The following PTPN5 variants were observed in gnomAD, a reference collection of about 807,000 sequenced individuals.
PTPN5 encodes the protein tyrosine-protein phosphatase non-receptor type 5.
PTPN5 carries 29 observed loss-of-function variants against 73.9 expected under a neutral mutation model. The observed-to-expected ratio is 0.39, with a 90% CI of 0.29 to 0.54. The LOEUF (loss-of-function observed/expected upper bound fraction) is 0.54. PTPN5 is among the 20% of genes least tolerant of loss of function. The pLI is 0.65. For synonymous variants in PTPN5, 267 were observed against 304.7 expected, an observed-to-expected ratio of 0.88 and a Z score of 1.29; for missense variants, 652 against 751.4, an observed-to-expected ratio of 0.87 and a Z score of 1.55.
At chr11:18,747,307 C>T (rs574624954) in intron 3 of PTPN5, among the ~76,000 whole-genome samples, 12 of 152,040 alleles carry the variant, frequency 7.9e-5, no homozygotes, top group Non-Finnish European at 1.3e-4. Flanking sequence ...CAAGCCACTG[C>T]GCCTGGCTAA....
At chr11:18,771,211 G>A (rs772607330) in intron 2 of PTPN5, among the ~76,000 whole-genome samples, 110 of 152,064 alleles carry the variant, frequency 7.2e-4, no homozygotes, top group Admixed American at 3.3e-4. Flanking sequence ...CACTGTCAAC[G>A]TGGAGCTCCT....
At chr11:18,740,467 G>C (rs149206809) in intron 8 of PTPN5, 136 bp downstream of exon 8, 11 of 735,568 alleles carry the variant, frequency 1.5e-5, no homozygotes, top group South Asian at 1.5e-4. Flanking sequence ...TGCCCAAGAT[G>C]GTGGGAGAGC....
chr11:18,742,192 AT>A lies in PTPN5; in HGVS notation c.725+69del. 1 of 1,589,946 alleles carries A rather than the reference AT, an allele frequency of 6.3e-7. No individual in the cohort carries two copies. Among genetic ancestry groups the A allele is most frequent in the East Asian group, 2.2e-5 (1 of 44,616 alleles). On this transcript the variant is annotated intron_variant, in intron 7 of 14. Transcript: ENST00000358540. The surrounding 1 kb of genome is among the most constrained non-coding windows in gnomAD (Gnocchi z 4.1). The stretch of plus-strand genomic sequence containing the variant: ...TGGGCACCAGGAGTCAGAGTCAGGC[AT>A]CCACTCTTCTGATCAGGAGCTAAGA...
chr11:18,783,080 T>C (rs1851515370), intron 1 of PTPN5, among the ~76,000 whole-genome samples: 1 of 152,252 alleles, frequency 6.6e-6, no homozygotes, highest in Non-Finnish European at 1.5e-5. Context: ...GCCTCGTATT[T>C]GCCTAACTCT....
rs550259431 is a variant in PTPN5, at chr11:18,789,823, G to T, written c.-114+1702C>A. 3.3e-5 allele frequency among the ~76,000 whole-genome samples: 5 copies of T among 152,244 alleles called. No individual in the cohort carries two copies. The South Asian group carries it at 1.0e-3, about 32-fold the overall frequency. On this transcript the variant is annotated intron_variant, in intron 1 of 14. Coordinates refer to ENST00000358540, the MANE Select transcript of PTPN5 (RefSeq NM_006906.2). ...GGTGGGAGGTGGATGAGGGATGAAA[G>T]ACTACACATTGGGTTCAGTGTATAC...
At chr11:18,763,921 C>G (rs1342054224) in intron 3 of PTPN5, among the ~76,000 whole-genome samples, 1 of 152,196 alleles carries the variant, frequency 6.6e-6, no homozygotes, top group Non-Finnish European at 1.5e-5. Flanking sequence ...ACGCCAAATC[C>G]CATGCTCTTT....
upstream of PTPN5, chr11:18,792,328 C>T (rs1297058147): frequency 6.6e-6 from 1 of 152,300 alleles, no homozygotes; most frequent in Non-Finnish European, 1.5e-5. Flanking sequence ...GGAGCGGCCC[C>T]ATACTAGGGC....
intron 3 of PTPN5, among the ~76,000 whole-genome samples, chr11:18,752,277 G>A (rs1849924144): frequency 6.6e-6 from 1 of 152,198 alleles, no homozygotes; most frequent in African/African-American, 2.4e-5. Flanking sequence ...AGGATGCTGT[G>A]AATTAAAACA....
rs1439579263 is a variant in PTPN5 at position 18,743,003 on chromosome 11, C to T, written c.472G>A (p.Val158Ile). The stretch of plus-strand genomic sequence containing the variant: ...AGGAGGCGCCTTACCAGGGTGGTAA[C>T]GAGGACCAGGCCCACGGACAGAAAG... ...LVFLSVGLVL[V>I]TTLVWHLLRT... Residue 158 changes from valine to isoleucine, a missense_variant, in exon 6 of 15, where the codon GTT becomes ATT. Val to Ile is a conservative substitution (Grantham distance 29, BLOSUM62 3). Coordinates refer to ENST00000358540, the MANE Select transcript of PTPN5 (RefSeq NM_006906.2). 1.3e-5 allele frequency: 20 copies of T among 1,550,030 alleles called. No individual in the cohort carries two copies. Among genetic ancestry groups the T allele is most frequent in the Non-Finnish European group, 1.3e-5 (15 of 1,145,474 alleles).
chr11:18,768,862 CT>C (rs1850752083), intron 2 of PTPN5, among the ~76,000 whole-genome samples: 1 of 152,198 alleles, frequency 6.6e-6, no homozygotes, highest in African/African-American at 2.4e-5. Context: ...TCTCTGGGCG[CT>C]GCCTTCCTCC....
rs1848979664 is a variant in PTPN5 at position 18,733,406 on chromosome 11, G to A, written c.1081-34C>T. 2 of 1,611,068 alleles carry A rather than the reference G, an allele frequency of 1.2e-6. No individual in the cohort carries two copies. Among genetic ancestry groups the A allele is most frequent in the Admixed American group, 1.7e-5 (1 of 59,988 alleles). ...AGCCAAGTCCAGGCTGTCAGGGTCA[G>A]AGGCAGTGCTCCCAGGACCCCATCC... On this transcript the variant is annotated intron_variant, in intron 10 of 14. Transcript: ENST00000358540. This position sits in a 1 kb window ranked among gnomAD's most constrained non-coding sequence, Gnocchi z 4.3.
At chr11:18,789,795 A>T (rs1851830269) in intron 1 of PTPN5, among the ~76,000 whole-genome samples, 1 of 152,134 alleles carries the variant, frequency 6.6e-6, no homozygotes, top group Non-Finnish European at 1.5e-5. Flanking sequence ...GACTTGGGGG[A>T]AAGGTGGGAG....
At chr11:18,760,239 T>C (rs1232658741) in intron 3 of PTPN5, among the ~76,000 whole-genome samples, 1 of 152,230 alleles carries the variant, frequency 6.6e-6, no homozygotes, top group East Asian at 1.9e-4. Flanking sequence ...TGTTGGCTAC[T>C]GGTCCAAGAC....
intron 4 of PTPN5, 30 bp downstream of exon 4, chr11:18,743,976 A>G: frequency 1.3e-6 from 2 of 1,562,352 alleles, no homozygotes; most frequent in Non-Finnish European, 1.7e-6. Context: ...CCCTCTCTCC[A>G]GACCCTTGTG....
chr11:18,733,401 G>A lies in PTPN5; in HGVS notation c.1081-29C>T, dbSNP rs754394421. 12 of 1,610,890 alleles carry A rather than the reference G, an allele frequency of 7.4e-6. No individual in the cohort carries two copies. Among genetic ancestry groups the A allele is most frequent in the South Asian group, 1.1e-5 (1 of 90,994 alleles). On this transcript the variant is annotated intron_variant, in intron 10 of 14. Coordinates refer to ENST00000358540, the MANE Select transcript of PTPN5 (RefSeq NM_006906.2). This position sits in a 1 kb window ranked among gnomAD's most constrained non-coding sequence, Gnocchi z 4.3. ...CGGCCAGCCAAGTCCAGGCTGTCAG[G>A]GTCAGAGGCAGTGCTCCCAGGACCC...
At chr11:18,779,121 G>A (rs939620291) in intron 1 of PTPN5, among the ~76,000 whole-genome samples, 16 of 152,124 alleles carry the variant, frequency 1.1e-4, no homozygotes, top group African/African-American at 3.9e-4. Context: ...AACTAGAGGG[G>A]CCCCTAGCTC....
In PTPN5 at chr11:18,742,544, G is replaced by A. The variant is rs1031783674; in HGVS notation, c.484-41C>T. ...AGCATCACAGATTTCGGACCACGCT[G>A]GCTGCCCCCCGTGTTCCTGGAGTGC... On this transcript the variant is annotated intron_variant, in intron 6 of 14. Coordinates refer to ENST00000358540, the MANE Select transcript of PTPN5 (RefSeq NM_006906.2). This position sits in a 1 kb window ranked among gnomAD's most constrained non-coding sequence, Gnocchi z 4.1. 1.2e-6 allele frequency: 2 copies of A among 1,603,230 alleles called. No homozygotes were observed. The highest frequency in any genetic ancestry group is 1.7e-6 in the Non-Finnish European group (2 of 1,176,728).
chr11:18,765,424 C>A (rs1350312872), intron 3 of PTPN5, among the ~76,000 whole-genome samples: 1 of 152,210 alleles, frequency 6.6e-6, no homozygotes, highest in Non-Finnish European at 1.5e-5. Flanking sequence ...ACATCCCCCA[C>A]CCCATCCTTG....
chr11:18,738,744 C>T (rs1278562545), intron 8 of PTPN5, among the ~76,000 whole-genome samples: 2 of 152,070 alleles, frequency 1.3e-5, no homozygotes, highest in Non-Finnish European at 2.9e-5. Flanking sequence ...GAGGCCGAGG[C>T]AGGCGGATCA....
Sources: gnomAD v4.1 joint callset for allele counts (sites outside exome capture counted in the v4.1 genomes callset) on GRCh38, gnomAD v4.1.1 for gene constraint, Gnocchi (gnomAD v3.1) non-coding constraint, MANE v1.5 for transcripts, NCBI Gene and HGNC (gene_info 2026-07-23, HGNC 2026-07-21) for gene names.